Variants in KCNN1 observed in about 807,000 individuals in gnomAD.
KCNN1 encodes small conductance calcium-activated potassium channel protein 1.
Under a neutral mutation model 44.7 loss-of-function variants are expected in KCNN1, and 20 were observed. The observed-to-expected ratio is 0.45, with a 90% CI of 0.32 to 0.65. KCNN1 has a LOEUF of 0.65. Ranked by LOEUF, KCNN1 falls within the 30% of genes least tolerant of loss-of-function variation. KCNN1 has a pLI of 0.05. For missense variants in KCNN1, 632 were observed against 785.3 expected, an observed-to-expected ratio of 0.80 and a Z score of 2.33; for synonymous variants, 324 against 341.7, an observed-to-expected ratio of 0.95 and a Z score of 0.57.
At chr19:17,986,460 C>T (rs1257476109) in intron 5 of KCNN1, among the ~76,000 whole-genome samples, 19 of 152,022 alleles carry the variant, frequency 1.2e-4, no homozygotes, top group East Asian at 3.8e-4. Context: ...CTGAGTTTTT[C>T]GTGACAGTGG....
chr19:17,997,395 CTA>C (rs2033036087), intron 9 of KCNN1, among the ~76,000 whole-genome samples: 1 of 152,162 alleles, frequency 6.6e-6, no homozygotes, highest in Non-Finnish European at 1.5e-5. Context: ...CTGCCTGTGG[CTA>C]TGTGTGCCCT....
intron 2 of KCNN1, among the ~76,000 whole-genome samples, chr19:17,961,999 T>C (rs1243557154): frequency 2.0e-5 from 3 of 152,150 alleles, no homozygotes; most frequent in Non-Finnish European, 4.4e-5. Context: ...GGGTTTGGAG[T>C]CAAACCTTTG....
Position 17,974,895 on chromosome 19 carries a change from C to G in KCNN1, c.403-197C>G, listed in dbSNP as rs1202464350. Among the ~76,000 whole-genome samples, 1 of 152,224 alleles carries G rather than the reference C, an allele frequency of 6.6e-6. No individual in the cohort carries two copies. Among genetic ancestry groups the G allele is most frequent in the Admixed American group, 6.5e-5 (1 of 15,288 alleles). On this transcript the variant is annotated intron_variant, in intron 2 of 9. Coordinates refer to ENST00000684775, the MANE Select transcript of KCNN1 (RefSeq NM_001386974.1). The surrounding 1 kb of genome is among the most constrained non-coding windows in gnomAD (Gnocchi z 7.3). ...CTGAATACAGCACATGCTGCACGCC[C>G]AGCCCTGATAAGCTGTTTCACACAC...
In KCNN1 at chr19:17,974,279, G is replaced by A. The variant is rs1456266392; in HGVS notation, c.391G>A (p.Val131Met). Residue 131 changes from valine to methionine, a missense_variant, in exon 2 of 10, where the codon GTG (valine) becomes ATG (methionine). This residue lies in a region of KCNN1 where 235 missense variants were observed against 224.0 expected (regional missense o/e 1.05). Coordinates refer to ENST00000684775, the MANE Select transcript of KCNN1 (RefSeq NM_001386974.1). The surrounding 1 kb of genome is among the most constrained non-coding windows in gnomAD (Gnocchi z 7.3). The part of the protein sequence containing the change: ...MVTETELSWG[V>M]YTKESLYSFA... The stretch of plus-strand genomic sequence containing the variant: ...GACGGAGACCGAGCTGTCCTGGGGG[G>A]TGTACACCAAGGTAGGCGTGGTCCT... The A allele has an allele frequency of 6.4e-7, 1 of 1,571,172 alleles. No homozygotes were observed.
chr19:17,969,919 A>G (rs977222187), intron 1 of KCNN1, among the ~76,000 whole-genome samples: 1 of 152,184 alleles, frequency 6.6e-6, no homozygotes, highest in African/African-American at 2.4e-5. Flanking sequence ...TAGCCAGCGG[A>G]TGTTCAGGCA....
Position 17,989,712 on chromosome 19 carries a change from C to T in KCNN1, c.1171-4C>T. 1 of 1,613,684 alleles carries T rather than the reference C, an allele frequency of 6.2e-7. No individual in the cohort carries two copies. The highest frequency in any genetic ancestry group is 8.5e-7 in the Non-Finnish European group (1 of 1,179,814). On this transcript the variant is annotated splice_polypyrimidine_tract_variant and splice_region_variant and intron_variant, in intron 6 of 9. Transcript: ENST00000684775. The stretch of plus-strand genomic sequence containing the variant: ...CTGAGGAATTGTTCTTTTTCTGGCC[C>T]CAGGTAAAAAACGCCGCTGCTAACG...
chr19:17,972,831 G>T (rs2032067697), intron 1 of KCNN1, among the ~76,000 whole-genome samples: 1 of 152,180 alleles, frequency 6.6e-6, no homozygotes, highest in African/African-American at 2.4e-5. Flanking sequence ...CAAGCCCGTT[G>T]GTAGATTTCA....
At chr19:17,953,667 C>T (rs2031474430) in intron 1 of KCNN1, among the ~76,000 whole-genome samples, 1 of 152,192 alleles carries the variant, frequency 6.6e-6, no homozygotes, top group South Asian at 2.1e-4. Flanking sequence ...CTCTGCCAAG[C>T]GAGGTGGTTC....
rs2032425912 is a variant in KCNN1 at position 17,981,920 on chromosome 19, G to T, written c.710G>T (p.Arg237Leu). ...DVLLSIPMFLRLYLLGRVMLL... is the reference protein window; with the variant it reads ...DVLLSIPMFLLLYLLGRVMLL... ...CTGCTGTCCATCCCCATGTTCCTGCGCCTCTACCTGCTGGGCCGGGTGATG... is the reference window on the plus strand; with the variant it reads ...CTGCTGTCCATCCCCATGTTCCTGCTCCTCTACCTGCTGGGCCGGGTGATG... Residue 237 changes from arginine to leucine, a missense_variant, in exon 4 of 10, where the codon CGC (arginine) becomes CTC (leucine). Around this residue, in one of 3 missense-constraint regions of KCNN1, gnomAD observed 160 missense variants for 308.3 expected, o/e 0.52. Transcript: ENST00000684775. 6.2e-7 allele frequency: 1 copy of T among 1,613,052 alleles called. No individual in the cohort carries two copies. Among genetic ancestry groups the T allele is most frequent in the South Asian group, 1.1e-5 (1 of 90,978 alleles).
chr19:17,992,910 C>A, intron 7 of KCNN1, 144 bp from the exon 8 acceptor site: 1 of 991,650 alleles, frequency 1.0e-6, no homozygotes, highest in Non-Finnish European at 1.5e-6. Context: ...AGAGCAACGG[C>A]AGCCCCTCGG....
At chr19:17,976,430 T>A (rs2145931708) in intron 3 of KCNN1, among the ~76,000 whole-genome samples, 1 of 152,216 alleles carries the variant, frequency 6.6e-6, no homozygotes, top group East Asian at 1.9e-4. Flanking sequence ...CCTTTTTTTT[T>A]TTTTGAGACG....
rs749143438 is a variant in KCNN1, at chr19:17,981,969, G to A, written c.759G>A (p.Thr253=). 49 of 1,608,310 alleles carry A rather than the reference G, an allele frequency of 3.0e-5. No individual in the cohort carries two copies. Among genetic ancestry groups the A allele is most frequent in the African/African-American group, 1.1e-4 (8 of 74,736 alleles). ...RVMLLHSKIF[T]DASSRSIGAL... ...TGCTACTGCACAGCAAAATCTTCAC[G>A]GACGCCTCGAGCCGCAGCATCGGGG... Residue 253 remains threonine (T), a synonymous_variant, in exon 4 of 10, where the codon ACG becomes ACA. Transcript: ENST00000684775.
upstream of KCNN1, among the ~76,000 whole-genome samples, chr19:17,962,132 G>A (rs1321650821): frequency 6.6e-6 from 1 of 152,210 alleles, no homozygotes; most frequent in Non-Finnish European, 1.5e-5. Context: ...TAGCCTGAGC[G>A]TGAGGAGGGA....
intron 1 of KCNN1, among the ~76,000 whole-genome samples, chr19:17,970,605 C>T (rs1025808819): frequency 2.6e-4 from 39 of 151,976 alleles, no homozygotes; most frequent in African/African-American, 8.7e-4. Context: ...GTGTGAGCCA[C>T]CACGCCCAGC....
chr19:17,970,238 G>A (rs1018503320), intron 1 of KCNN1, among the ~76,000 whole-genome samples: 5 of 150,488 alleles, frequency 3.3e-5, no homozygotes, highest in African/African-American at 1.2e-4. Context: ...GGGTGGGAAG[G>A]GGTGGGACAA....
chr19:17,974,277 G>A lies in KCNN1; in HGVS notation c.389G>A (p.Gly130Glu), dbSNP rs985933735. ...VMVTETELSWGVYTKESLYSF... is the reference protein window; with the variant it reads ...VMVTETELSWEVYTKESLYSF... ...GTGACGGAGACCGAGCTGTCCTGGG[G>A]GGTGTACACCAAGGTAGGCGTGGTC... is the stretch of plus-strand genomic sequence containing the variant. The change falls in exon 2 of 10, where the codon GGG becomes GAG. Residue 130 changes from glycine (G) to glutamate (E), a missense_variant. Physicochemically the swap from Gly to Glu is moderately conservative, Grantham distance 98 (BLOSUM62 -2). This residue lies in a region of KCNN1 where 235 missense variants were observed against 224.0 expected (regional missense o/e 1.05). Coordinates refer to ENST00000684775, the MANE Select transcript of KCNN1 (RefSeq NM_001386974.1). This position sits in a 1 kb window ranked among gnomAD's most constrained non-coding sequence, Gnocchi z 7.3. 17 of 1,575,858 alleles carry A rather than the reference G, an allele frequency of 1.1e-5. No homozygotes were observed. The highest frequency in any genetic ancestry group is 1.5e-5 in the Non-Finnish European group (17 of 1,158,290).
intron 1 of KCNN1, among the ~76,000 whole-genome samples, chr19:17,952,719 CCTT>C (rs2031443843): frequency 6.6e-6 from 1 of 152,204 alleles, no homozygotes; most frequent in South Asian, 2.1e-4. Flanking sequence ...CTCCCTTTCT[CCTT>C]GCGTTGTGGC....
At chr19:17,969,498 A>C (rs1453039291) in intron 1 of KCNN1, among the ~76,000 whole-genome samples, 1 of 148,068 alleles carries the variant, frequency 6.8e-6, no homozygotes, top group African/African-American at 2.5e-5. Context: ...AAAGCCCTCC[A>C]CCCCTCCACC....
chr19:17,973,859 A>C lies in KCNN1; in HGVS notation c.-30A>C. On this transcript the variant is annotated 5_prime_UTR_variant, in exon 2 of 10. Coordinates refer to ENST00000684775, the MANE Select transcript of KCNN1 (RefSeq NM_001386974.1). ...CCATGCCGGGCCCCGGGCGGCCTGCAGCGAGCCCAACCCCTGCACCCAGGT... is the reference window on the plus strand; with the variant it reads ...CCATGCCGGGCCCCGGGCGGCCTGCCGCGAGCCCAACCCCTGCACCCAGGT... The C allele has an allele frequency of 1.3e-6, 2 of 1,544,364 alleles. No individual in the cohort carries two copies. Among genetic ancestry groups the C allele is most frequent in the South Asian group, 1.2e-5 (1 of 84,080 alleles).
Sources: allele counts gnomAD v4.1 joint callset (sites outside exome capture counted in the v4.1 genomes callset), GRCh38; gene constraint gnomAD v4.1.1; regional missense constraint gnomAD v4.1.1; non-coding constraint Gnocchi (gnomAD v3.1); transcripts MANE v1.5; gene names NCBI Gene and HGNC (gene_info 2026-07-23, HGNC 2026-07-21).